The following RAD52 variants were observed in gnomAD, a reference collection of about 807,000 sequenced individuals.
RAD52 encodes the protein RAD52 DNA repair protein.
Under a neutral mutation model 55.5 loss-of-function variants are expected in RAD52, and 47 were observed. That is an observed-to-expected ratio of 0.85 (90% confidence interval 0.67 to 1.08). The LOEUF is 1.08. Among genes scored for constraint, RAD52 ranks in the 50% least tolerant of loss-of-function variants. The pLI, the probability that RAD52 is intolerant of heterozygous loss-of-function variation, is 0.00. For synonymous variants in RAD52, 184 were observed against 198.9 expected (o/e 0.92, Z 0.63); for missense variants, 468 against 522.8 (o/e 0.90, Z 1.02).
At chr12:932,750 T>C (rs1303492453) in intron 2 of RAD52, among the ~76,000 whole-genome samples, 2 of 141,602 alleles carry the variant, frequency 1.4e-5, no homozygotes, top group East Asian at 4.2e-4. Context: ...AGCTCACACA[T>C]GTACTATGTA....
chr12:978,919 C>G (rs12812558), intron 1 of RAD52, among the ~76,000 whole-genome samples: 1 of 67,238 alleles, frequency 1.5e-5, no homozygotes, highest in East Asian at 7.5e-4. Flanking sequence ...GATAGATAGA[C>G]AGACAGACAG....
Position 930,094 on chromosome 12 carries a change from A to C in RAD52, c.237T>G (p.Phe79Leu). Reference protein sequence around the residue: ...HRVINLANEMFGYNGWAHSIT... With the variant: ...HRVINLANEMLGYNGWAHSIT... ...TGGAGTGTGCCCAGCCATTGTAACC[A>C]AACATCTCATTGGCCAGATTAATTA... The change falls in exon 4 of 12, where the codon TTT becomes TTG. Residue 79 changes from phenylalanine to leucine, a missense_variant. Physicochemically the swap from Phe to Leu is conservative, Grantham distance 22. Transcript: ENST00000358495. 1 of 1,614,078 alleles carries C rather than the reference A, an allele frequency of 6.2e-7. No homozygotes were observed. Among genetic ancestry groups the C allele is most frequent in the South Asian group, 1.1e-5 (1 of 91,086 alleles).
At chr12:961,275 A>G in intron 1 of RAD52, among the ~76,000 whole-genome samples, 1 of 132,504 alleles carries the variant, frequency 7.5e-6, no homozygotes, top group South Asian at 2.6e-4. Context: ...GTGCCATTGC[A>G]CTCCAGCCTG....
intron 7 of RAD52, among the ~76,000 whole-genome samples, chr12:918,794 T>G (rs1007484378): frequency 6.6e-6 from 1 of 152,092 alleles, no homozygotes; most frequent in African/African-American, 2.4e-5. Context: ...CTGGGCCTTC[T>G]CGGTACTGGC....
intron 6 of RAD52, 30 bp from the exon 7 acceptor site, chr12:925,555 G>C: frequency 1.9e-6 from 3 of 1,540,848 alleles, no homozygotes; most frequent in Non-Finnish European, 2.7e-6. Flanking sequence ...AGGTGAAACA[G>C]GGTTAAGAAT....
chr12:961,945 G>A (rs1025128017), intron 1 of RAD52, among the ~76,000 whole-genome samples: 5 of 152,172 alleles, frequency 3.3e-5, no homozygotes, highest in African/African-American at 1.2e-4. Flanking sequence ...GAAGCCACGT[G>A]AGAAGCCATG....
At chr12:930,382 A>C (rs977600725) in intron 3 of RAD52, among the ~76,000 whole-genome samples, 5 of 152,042 alleles carry the variant, frequency 3.3e-5, no homozygotes, top group Non-Finnish European at 7.4e-5. Flanking sequence ...CAGTCTGTTA[A>C]AAAAAATTTT....
chr12:917,776 A>C (rs1229117284), intron 7 of RAD52, among the ~76,000 whole-genome samples: 9 of 150,668 alleles, frequency 6.0e-5, no homozygotes, highest in Admixed American at 2.0e-4. Flanking sequence ...AATACAAAAA[A>C]AAAAAAAAAA....
At chr12:984,117 G>A (rs116614840) in intron 1 of RAD52, among the ~76,000 whole-genome samples, 101 of 152,136 alleles carry the variant, frequency 6.6e-4, no homozygotes, top group African/African-American at 2.3e-3. Flanking sequence ...CTTCCCAAAC[G>A]GAAACTCTAT....
chr12:925,399 C>T, intron 7 of RAD52, 51 bp downstream of exon 7: 2 of 1,473,052 alleles, frequency 1.4e-6, no homozygotes, highest in South Asian at 1.1e-5. Context: ...ACCCATGACA[C>T]ACAAGAGTTT....
chr12:927,730 G>C (rs1264330287), intron 5 of RAD52, among the ~76,000 whole-genome samples: 1 of 152,252 alleles, frequency 6.6e-6, no homozygotes, highest in South Asian at 2.1e-4. Context: ...GCCGGGTGTG[G>C]TGGTGGGCAC....
In RAD52 at chr12:985,203, C is replaced by A. The variant is rs1012338847; in HGVS notation, c.-19+4606G>T. On this transcript the variant is annotated intron_variant, in intron 1 of 11. Coordinates refer to the RAD52 transcript ENST00000430095. ...TCACCTAGGCTAAAGTACAGTGGCA[C>A]AATCATGGTTCACCACAGCCTTGAT... is the stretch of plus-strand genomic sequence containing the variant. Among the ~76,000 whole-genome samples, 3 of 152,208 alleles carry A rather than the reference C, an allele frequency of 2.0e-5. 1 individual carries two copies. Among genetic ancestry groups the A allele is most frequent in the African/African-American group, 7.2e-5 (3 of 41,458 alleles).
At chr12:944,928 T>C (rs1958128887) in intron 1 of RAD52, among the ~76,000 whole-genome samples, 1 of 151,908 alleles carries the variant, frequency 6.6e-6, no homozygotes, top group Admixed American at 6.6e-5. Context: ...TGTGACAAGG[T>C]GATGGGTGAG....
At chr12:950,353 C>T (rs1467878914), upstream of RAD52, among the ~76,000 whole-genome samples, 1 of 151,992 alleles carries the variant, frequency 6.6e-6, no homozygotes, top group African/African-American at 2.4e-5. Context: ...GGGCTGATCA[C>T]GAGGTCAGGA....
At chr12:944,774 T>TTTC (rs1565689331) in intron 1 of RAD52, among the ~76,000 whole-genome samples, 2 of 3,530 alleles carry the variant, frequency 5.7e-4, no homozygotes, top group African/African-American at 5.9e-4. Flanking sequence ...TTCTTTCTTT[T>TTTC]TTTTTTTTTT....
intron 1 of RAD52, among the ~76,000 whole-genome samples, chr12:942,660 T>C (rs567642025): frequency 6.6e-5 from 10 of 151,482 alleles, no homozygotes; most frequent in African/African-American, 2.4e-4. Context: ...GGCAGGAGAA[T>C]CGCTTGAACC....
chr12:973,534 G>A (rs1958896712), intron 1 of RAD52, among the ~76,000 whole-genome samples: 1 of 151,724 alleles, frequency 6.6e-6, no homozygotes, highest in South Asian at 2.1e-4. Flanking sequence ...CTGGAGTGCA[G>A]TGGTGTGATC....
At chr12:986,260 C>T (rs767403746) in intron 1 of RAD52, among the ~76,000 whole-genome samples, 3 of 152,004 alleles carry the variant, frequency 2.0e-5, no homozygotes, top group Non-Finnish European at 4.4e-5. Context: ...GACAGGGTCT[C>T]GTTATGTTGC....
intron 1 of RAD52, among the ~76,000 whole-genome samples, chr12:935,742 A>T (rs1159589166): frequency 6.6e-6 from 1 of 151,382 alleles, no homozygotes; most frequent in Non-Finnish European, 1.5e-5. Context: ...AATCCCAGCT[A>T]CTCAGGAGGC....
Sources: allele counts gnomAD v4.1 joint callset (sites outside exome capture counted in the v4.1 genomes callset), GRCh38; gene constraint gnomAD v4.1.1; transcripts MANE v1.5; gene names NCBI Gene and HGNC (gene_info 2026-07-23, HGNC 2026-07-21).